Variants in RNF180 observed in about 807,000 individuals in gnomAD.
RNF180 encodes the protein E3 ubiquitin-protein ligase RNF180.
RNF180 carries 38 observed loss-of-function variants against 59.2 expected under a neutral mutation model. The ratio of observed to expected loss-of-function variants is 0.64; its 90% CI spans 0.50 to 0.84. The LOEUF (loss-of-function observed/expected upper bound fraction) is 0.84, where lower values mean the gene tolerates loss of function less well. Among genes scored for constraint, RNF180 ranks in the 40% least tolerant of loss-of-function variants. RNF180 has a pLI of 0.00. For missense variants in RNF180, 705 were observed against 700.9 expected, an observed-to-expected ratio of 1.01 and a Z score of -0.07; for synonymous variants, 262 against 240.3, an observed-to-expected ratio of 1.09 and a Z score of -0.84.
chr5:64,354,974 G>C (rs1745960358), intron 7 of RNF180, among the ~76,000 whole-genome samples: 1 of 151,828 alleles, frequency 6.6e-6, no homozygotes, highest in Non-Finnish European at 1.5e-5. Flanking sequence ...CCACACATTT[G>C]TGAAAAACTG....
intron 5 of RNF180, among the ~76,000 whole-genome samples, chr5:64,235,080 C>A (rs1374857026): frequency 6.6e-6 from 1 of 152,012 alleles, no homozygotes; most frequent in African/African-American, 2.4e-5. Context: ...AGTTTGAGAC[C>A]AGCCCTGGCC....
chr5:64,229,920 C>T (rs1473228003), intron 5 of RNF180, among the ~76,000 whole-genome samples: 1 of 152,154 alleles, frequency 6.6e-6, no homozygotes, highest in African/African-American at 2.4e-5. Flanking sequence ...TCCTTTTATT[C>T]TTCAATAAAA....
intron 2 of RNF180, among the ~76,000 whole-genome samples, chr5:64,204,606 T>C (rs934709761): frequency 1.3e-5 from 2 of 152,114 alleles, no homozygotes; most frequent in African/African-American, 4.8e-5. Flanking sequence ...ATTGCAACTA[T>C]TTTTTTCCCA....
intron 5 of RNF180, among the ~76,000 whole-genome samples, chr5:64,226,808 G>A (rs1245436487): frequency 6.6e-6 from 1 of 152,164 alleles, no homozygotes; most frequent in Non-Finnish European, 1.5e-5. Context: ...ATTGAATTTG[G>A]CCACATGGAA....
chr5:64,210,992 A>C (rs1423819354), intron 2 of RNF180, among the ~76,000 whole-genome samples: 1 of 152,054 alleles, frequency 6.6e-6, no homozygotes, highest in African/African-American at 2.4e-5. Context: ...GAGGAGCTGG[A>C]AAATTGGGGT....
At chr5:64,261,346 C>T (rs1409803752) in intron 5 of RNF180, among the ~76,000 whole-genome samples, 1 of 152,100 alleles carries the variant, frequency 6.6e-6, no homozygotes, top group East Asian at 1.9e-4. Flanking sequence ...TTCCTAGCAT[C>T]CACCTTTCAA....
chr5:64,178,793 C>T (rs919019441), intron 1 of RNF180, among the ~76,000 whole-genome samples: 20 of 152,212 alleles, frequency 1.3e-4, no homozygotes, highest in African/African-American at 4.3e-4. Context: ...TTCACCATTC[C>T]AACTACATAT....
chr5:64,345,935 CA>C (rs1388240248), intron 7 of RNF180, among the ~76,000 whole-genome samples: 1 of 151,680 alleles, frequency 6.6e-6, no homozygotes, highest in Non-Finnish European at 1.5e-5. Flanking sequence ...AAATATTTTT[CA>C]AAATGACATA....
At chr5:64,277,441 A>ATTTTG (rs879695385) in intron 5 of RNF180, among the ~76,000 whole-genome samples, 10 of 152,162 alleles carry the variant, frequency 6.6e-5, no homozygotes, top group Non-Finnish European at 1.3e-4. Context: ...TTATGGGCAC[A>ATTTTG]CATGCTTTTG....
In RNF180 at chr5:64,213,845, T is replaced by C; in HGVS notation, c.519T>C (p.Asn173=). The change falls in exon 4 of 8, where the codon AAT becomes AAC. Residue 173 remains asparagine, a synonymous_variant. Transcript: ENST00000389100. ...HRLLNMARNN[N]DPGRLTEALC... ...TTTTAAACATGGCCCGAAATAATAA[T>C]GACCCTGGAAGATTAACAGAAGCAC... 6.2e-7 allele frequency: 1 copy of C among 1,614,084 alleles called. No homozygotes were observed. Among genetic ancestry groups the C allele is most frequent in the East Asian group, 2.2e-5 (1 of 44,876 alleles).
intron 1 of RNF180, among the ~76,000 whole-genome samples, chr5:64,185,438 C>G (rs1022822506): frequency 6.6e-6 from 1 of 152,054 alleles, no homozygotes; most frequent in East Asian, 1.9e-4. Context: ...AGGGCAGAAG[C>G]TTGTAGAAGC....
At chr5:64,309,054 C>T (rs763469461) in intron 5 of RNF180, among the ~76,000 whole-genome samples, 45 of 151,658 alleles carry the variant, frequency 3.0e-4, no homozygotes, top group Non-Finnish European at 5.6e-4. Flanking sequence ...CCAATCTCCA[C>T]GTAATCAAAA....
rs531009887 is a variant in RNF180 at position 64,349,295 on chromosome 5, TTTG to T, written c.1579+18904_1579+18906del. On this transcript the variant is annotated intron_variant, in intron 7 of 7. Coordinates refer to ENST00000389100, the MANE Select transcript of RNF180 (RefSeq NM_001113561.2). ...ATTCTTTTAATGCCAAAGAAAGGAT[TTTG>T]TTGTTGTTGTTGTTAACTTCATTTT... Among the ~76,000 whole-genome samples, 487 of 152,150 alleles carry T rather than the reference TTTG, an allele frequency of 3.2e-3. 1 individual carries two copies. The highest frequency in any genetic ancestry group is 0.01 in the Middle Eastern group (3 of 294).
chr5:64,246,210 A>G (rs1743152279), intron 5 of RNF180, among the ~76,000 whole-genome samples: 1 of 152,176 alleles, frequency 6.6e-6, no homozygotes, highest in Non-Finnish European at 1.5e-5. Context: ...TAAAAGTACT[A>G]GAGAAACGAG....
chr5:64,260,284 A>G (rs1307444314), intron 5 of RNF180, among the ~76,000 whole-genome samples: 6 of 152,188 alleles, frequency 3.9e-5, no homozygotes, highest in Admixed American at 2.0e-4. Flanking sequence ...TAGCTACACA[A>G]TATTTTATTT....
At chr5:64,225,251 A>G (rs921966157) in intron 5 of RNF180, among the ~76,000 whole-genome samples, 1 of 152,228 alleles carries the variant, frequency 6.6e-6, no homozygotes, top group Non-Finnish European at 1.5e-5. Flanking sequence ...CGCATAGGAA[A>G]AACTATCTTT....
At chr5:64,310,507 A>G (rs1743710444) in intron 5 of RNF180, among the ~76,000 whole-genome samples, 1 of 151,342 alleles carries the variant, frequency 6.6e-6, no homozygotes, top group East Asian at 2.0e-4. Flanking sequence ...TGACTGCAAA[A>G]TACTTTTGCA....
chr5:64,225,055 C>G (rs998210044), intron 5 of RNF180, among the ~76,000 whole-genome samples: 7 of 152,110 alleles, frequency 4.6e-5, no homozygotes. Flanking sequence ...TTACTAGCAA[C>G]CCAAAAGGAA....
intron 1 of RNF180, among the ~76,000 whole-genome samples, chr5:64,174,889 G>A (rs1199738906): frequency 6.6e-6 from 1 of 150,422 alleles, no homozygotes; most frequent in Non-Finnish European, 1.5e-5. Flanking sequence ...AGGTCATAAA[G>A]CATTTCCCTC....
Sources: allele counts gnomAD v4.1 joint callset (sites outside exome capture counted in the v4.1 genomes callset), GRCh38; gene constraint gnomAD v4.1.1; transcripts MANE v1.5; gene names NCBI Gene and HGNC (gene_info 2026-07-23, HGNC 2026-07-21).